Variants in NKAIN3 observed in about 807,000 individuals in gnomAD.
NKAIN3 encodes sodium/potassium transporting ATPase interacting 3.
Under a neutral mutation model 30.2 loss-of-function variants are expected in NKAIN3, and 25 were observed. The observed-to-expected ratio is 0.83, with a 90% CI of 0.60 to 1.16. The LOEUF (loss-of-function observed/expected upper bound fraction) is 1.16, where lower values mean the gene tolerates loss of function less well. NKAIN3 is among the 50% of genes most tolerant of loss of function. NKAIN3 has a pLI of 0.00. For missense variants in NKAIN3, 225 were observed against 254.1 expected (o/e 0.89, Z 0.78); for synonymous variants, 91 against 89.6 (o/e 1.02, Z -0.09).
chr8:62,348,194 G>A (rs1338699181), intron 1 of NKAIN3, among the ~76,000 whole-genome samples: 4 of 152,002 alleles, frequency 2.6e-5, no homozygotes, highest in Non-Finnish European at 5.9e-5. Flanking sequence ...ATAAATAGAG[G>A]ACATAAGAAA....
intron 4 of NKAIN3, among the ~76,000 whole-genome samples, chr8:62,872,316 T>C (rs1237580288): frequency 1.3e-5 from 2 of 152,232 alleles, no homozygotes; most frequent in Non-Finnish European, 2.9e-5. Flanking sequence ...CAGAGAACTC[T>C]GTGGTGACAT....
chr8:62,615,310 G>A (rs1445996855), intron 3 of NKAIN3, among the ~76,000 whole-genome samples: 1 of 152,118 alleles, frequency 6.6e-6, no homozygotes, highest in East Asian at 1.9e-4. Context: ...TCTGCCCAGT[G>A]CCCTATCCTG....
chr8:62,758,427 A>C (rs990276519), intron 4 of NKAIN3, among the ~76,000 whole-genome samples: 1 of 152,218 alleles, frequency 6.6e-6, no homozygotes, highest in African/African-American at 2.4e-5. Context: ...ATATGGGTGA[A>C]GGATATACAA....
chr8:62,910,506 G>A (rs1488795086), intron 4 of NKAIN3, among the ~76,000 whole-genome samples: 1 of 152,100 alleles, frequency 6.6e-6, no homozygotes, highest in South Asian at 2.1e-4. Context: ...TTTTAGCCTA[G>A]AAGAAAGTGT....
At chr8:62,665,964 C>T (rs1023211501) in intron 3 of NKAIN3, among the ~76,000 whole-genome samples, 1 of 152,184 alleles carries the variant, frequency 6.6e-6, no homozygotes, top group Admixed American at 6.5e-5. Flanking sequence ...GCCTGTAATC[C>T]CACCAGTTTG....
chr8:62,411,180 A>G (rs1465954428), intron 1 of NKAIN3, among the ~76,000 whole-genome samples: 1 of 152,230 alleles, frequency 6.6e-6, no homozygotes, highest in Non-Finnish European at 1.5e-5. Flanking sequence ...ATCCCGCAAC[A>G]TATCAAAAAA....
intron 3 of NKAIN3, among the ~76,000 whole-genome samples, chr8:62,681,131 G>T (rs1813631756): frequency 6.6e-6 from 1 of 152,170 alleles, no homozygotes; most frequent in Non-Finnish European, 1.5e-5. Context: ...AACCATTCAA[G>T]ATACTCAGTG....
In NKAIN3 at chr8:62,945,619, A is replaced by C. The variant is rs372904960; in HGVS notation, c.533-8283A>C. On this transcript the variant is annotated intron_variant, in intron 5 of 6. Transcript: ENST00000623646. ...GGCCATACTTTTTCAAAGGCACATA[A>C]ATTTTGGAATTGAGTCTCTTGAAAT... 2.0e-5 allele frequency among the ~76,000 whole-genome samples: 3 copies of C among 152,282 alleles called. 1 individual carries two copies.
intron 1 of NKAIN3, among the ~76,000 whole-genome samples, chr8:62,410,788 C>A (rs1241847692): frequency 6.6e-6 from 1 of 151,920 alleles, no homozygotes; most frequent in Admixed American, 6.6e-5. Flanking sequence ...CCTGAAAACA[C>A]ATAATGTCCC....
intron 4 of NKAIN3, among the ~76,000 whole-genome samples, chr8:62,790,573 CTGTCTGTCTGTGTGTGTGTGTGTGTG>C (rs1424777978): frequency 1.2e-5 from 1 of 83,638 alleles, no homozygotes; most frequent in Non-Finnish European, 3.1e-5. Flanking sequence ...GTGTGTCTGT[CTGTCTGTCTGTGTGTGTGTGTGTGTG>C]TGTCTGTCTG....
intron 1 of NKAIN3, among the ~76,000 whole-genome samples, chr8:62,319,394 T>C (rs1191658147): frequency 6.6e-6 from 1 of 152,190 alleles, no homozygotes; most frequent in African/African-American, 2.4e-5. Context: ...TGTTTGCTCT[T>C]GTTTCTCTAG....
chr8:62,320,422 T>C (rs1008194654), intron 1 of NKAIN3, among the ~76,000 whole-genome samples: 10 of 152,202 alleles, frequency 6.6e-5, no homozygotes, highest in Non-Finnish European at 1.3e-4. Flanking sequence ...AGTTTCTTCC[T>C]AGCCTCGATG....
chr8:62,709,364 C>A (rs1393713118), intron 3 of NKAIN3, among the ~76,000 whole-genome samples: 1 of 151,946 alleles, frequency 6.6e-6, no homozygotes, highest in African/African-American at 2.4e-5. Context: ...CTTTCCTTTG[C>A]TGGTAATTTT....
In NKAIN3 at chr8:62,976,435, G is replaced by A. The variant is rs144416197; in HGVS notation, c.*11028G>A. 5.5e-4 allele frequency among the ~76,000 whole-genome samples: 83 copies of A among 152,170 alleles called. No homozygotes were observed. Among genetic ancestry groups the A allele is most frequent in the African/African-American group, 1.7e-3 (71 of 41,534 alleles). On this transcript the variant is annotated 3_prime_UTR_variant, in exon 7 of 7. Transcript: ENST00000623646. Reference sequence around the variant, plus strand: ...GTTGCATTGATCCTTTTACTATTATGTAATGGCCTTCTGTGTCTGTTTTGA... The same window carrying A: ...GTTGCATTGATCCTTTTACTATTATATAATGGCCTTCTGTGTCTGTTTTGA...
At chr8:62,564,252 TC>T (rs1809677306) in intron 1 of NKAIN3, among the ~76,000 whole-genome samples, 1 of 152,072 alleles carries the variant, frequency 6.6e-6, no homozygotes. Context: ...CTCCTCTAAA[TC>T]CCTTTGGCCA....
At chr8:62,579,463 C>A in intron 1 of NKAIN3, 76 bp from the exon 2 acceptor site, 1 of 1,171,978 alleles carries the variant, frequency 8.5e-7, no homozygotes, top group Non-Finnish European at 1.2e-6. Context: ...CAGACTCCTC[C>A]AGCCATGAGA....
chr8:62,624,706 C>G (rs1160239334), intron 3 of NKAIN3, among the ~76,000 whole-genome samples: 2 of 150,864 alleles, frequency 1.3e-5, no homozygotes, highest in Non-Finnish European at 3.0e-5. Flanking sequence ...GCTCCTTTCT[C>G]TTTTTCTGCT....
intron 1 of NKAIN3, among the ~76,000 whole-genome samples, chr8:62,553,028 G>T (rs1809267208): frequency 6.6e-6 from 1 of 152,156 alleles, no homozygotes; most frequent in African/African-American, 2.4e-5. Context: ...CCAAGTAAAA[G>T]TTACATAGAA....
chr8:62,776,194 T>A (rs901346011), intron 4 of NKAIN3, among the ~76,000 whole-genome samples: 5 of 152,246 alleles, frequency 3.3e-5, no homozygotes, highest in Non-Finnish European at 7.4e-5. Context: ...GTCTTATTTG[T>A]TGGGTCTTCT....
Sources: allele counts gnomAD v4.1 joint callset (sites outside exome capture counted in the v4.1 genomes callset), GRCh38; gene constraint gnomAD v4.1.1; transcripts MANE v1.5; gene names NCBI Gene and HGNC (gene_info 2026-07-23, HGNC 2026-07-21).